The following BICRA variants were observed in gnomAD, a reference collection of about 807,000 sequenced individuals.
BICRA encodes BRD4-interacting chromatin-remodeling complex-associated protein.
A neutral mutation model predicts 96.9 loss-of-function variants in BICRA; 31 were observed. That is an observed-to-expected ratio of 0.32 (90% CI 0.24 to 0.43). The LOEUF (loss-of-function observed/expected upper bound fraction) is 0.43, where lower values mean the gene tolerates loss of function less well. Among genes scored for constraint, BICRA ranks in the 20% least tolerant of loss-of-function variants. BICRA has a pLI of 1.00. For synonymous variants in BICRA, 1,350 were observed against 1,071.8 expected (o/e 1.26, Z -5.07); for missense variants, 2,283 against 2,190.3 (o/e 1.04, Z -0.84).
chr19:47,694,769 A>G, intron 8 of BICRA, 43 bp downstream of exon 8: 2 of 913,734 alleles, frequency 2.2e-6, no homozygotes, highest in Non-Finnish European at 3.3e-6. Context: ...GCCCCATCCC[A>G]TCCCACCCTC....
intron 1 of BICRA, among the ~76,000 whole-genome samples, chr19:47,636,988 T>C (rs1972308917): frequency 2.0e-5 from 3 of 152,166 alleles, no homozygotes; most frequent in Non-Finnish European, 4.4e-5. Flanking sequence ...CTCCTTCCCC[T>C]CCTTAGTCAA....
At chr19:47,649,144 C>T (rs1163330572) in intron 1 of BICRA, among the ~76,000 whole-genome samples, 2 of 151,968 alleles carry the variant, frequency 1.3e-5, no homozygotes, top group Non-Finnish European at 2.9e-5. Context: ...AGCCACTGCA[C>T]CCGGCCTAAT....
At chr19:47,700,156 T>A (rs1226326745) in intron 14 of BICRA, 1 of 152,574 alleles carries the variant, frequency 6.6e-6, no homozygotes, top group Non-Finnish European at 1.5e-5. Context: ...TGCCACTTAC[T>A]AACTGTGTGA....
At position 47,686,210 on chromosome 19, in the gene BICRA, C is replaced by T. The variant is rs10414680; in HGVS notation, c.2283+4058C>T. ...CCTCCCAAAGTCCTGGGATTACAGG[C>T]ATGAGCCACCATGCCCGGCACAAGA... On this transcript the variant is annotated intron_variant, in intron 7 of 14. Transcript: ENST00000594866. Among the ~76,000 whole-genome samples the T allele has an allele frequency of 3.8e-3, 571 of 152,238 alleles. 4 individuals are homozygous for T. The highest frequency in any genetic ancestry group is 0.013 in the African/African-American group (552 of 41,546).
intron 1 of BICRA, among the ~76,000 whole-genome samples, chr19:47,647,537 T>C (rs1009844503): frequency 6.6e-6 from 1 of 152,136 alleles, no homozygotes; most frequent in African/African-American, 2.4e-5. Context: ...TGCCCCGCTA[T>C]GCATAAAGTT....
chr19:47,635,271 C>T (rs1262283894), intron 1 of BICRA, among the ~76,000 whole-genome samples: 20 of 145,608 alleles, frequency 1.4e-4, no homozygotes, highest in Admixed American at 2.0e-4. Context: ...TTTTTGAGAC[C>T]GGGTCTGGCT....
intron 1 of BICRA, among the ~76,000 whole-genome samples, chr19:47,636,893 T>G (rs1249634306): frequency 6.6e-6 from 1 of 152,130 alleles, no homozygotes; most frequent in East Asian, 1.9e-4. Flanking sequence ...GTTCACTCAC[T>G]TCAGCCACAC....
Position 47,701,335 on chromosome 19 carries a change from C to T in BICRA, c.3603C>T (p.Tyr1201=), listed in dbSNP as rs1177638988. The part of the protein sequence containing the change: ...KQLAKEKPDE[Y]VSSSRSLGLP... ...TTTGCCCCGATTCTGCAGACGAGTA[C>T]GTGTCTTCCTCCCGCTCGCTCGGCC... Residue 1201 remains tyrosine, a synonymous_variant, in exon 15 of 15, where the codon TAC becomes TAT. Coordinates refer to ENST00000594866, the MANE Select transcript of BICRA (RefSeq NM_001394372.1). This position sits in a 1 kb window ranked among gnomAD's most constrained non-coding sequence, Gnocchi z 5.4. 1.9e-6 allele frequency: 3 copies of T among 1,609,662 alleles called. No individual in the cohort carries two copies. Among genetic ancestry groups the T allele is most frequent in the Middle Eastern group, 1.6e-4 (1 of 6,062 alleles).
At chr19:47,637,426 A>AT (rs1289968407) in intron 1 of BICRA, among the ~76,000 whole-genome samples, 2 of 146,398 alleles carry the variant, frequency 1.4e-5, no homozygotes, top group Non-Finnish European at 3.0e-5. Context: ...GCCTGTTTTT[A>AT]TTTTTTGAGA....
intron 7 of BICRA, among the ~76,000 whole-genome samples, chr19:47,685,782 TGTGTGCGCGCGCGC>T (rs1175979577): frequency 3.2e-5 from 4 of 124,840 alleles, no homozygotes; most frequent in Admixed American, 8.3e-5. Context: ...TGTGTGTGTG[TGTGTGCGCGCGCGC>T]GCGCATGCGT....
At chr19:47,609,955 C>T (rs1300136513) in intron 1 of BICRA, among the ~76,000 whole-genome samples, 1 of 57,942 alleles carries the variant, frequency 1.7e-5, no homozygotes, top group Admixed American at 1.5e-4. Flanking sequence ...CCGGAGGGGG[C>T]CGTTACGGGG....
At chr19:47,679,245 C>G in intron 5 of BICRA, 76 bp from the exon 6 acceptor site, 3 of 1,124,486 alleles carry the variant, frequency 2.7e-6, no homozygotes, top group Non-Finnish European at 3.6e-6. Flanking sequence ...CCTCAGCATT[C>G]TTTGCGGCAG....
At chr19:47,630,366 G>A (rs946909644) in intron 1 of BICRA, among the ~76,000 whole-genome samples, 6 of 151,536 alleles carry the variant, frequency 4.0e-5, no homozygotes, top group Non-Finnish European at 8.8e-5. Flanking sequence ...TAGAGACGGG[G>A]TTTCACTTTG....
intron 1 of BICRA, among the ~76,000 whole-genome samples, chr19:47,651,776 G>C (rs1972544450): frequency 6.6e-6 from 1 of 152,192 alleles, no homozygotes; most frequent in Admixed American, 6.5e-5. Flanking sequence ...GAGAGGGTTG[G>C]GCAGACAATG....
rs766407779 is a variant in BICRA, at chr19:47,694,989, C to T, written c.2985C>T (p.Pro995=). The change falls in exon 9 of 15, where the codon CCC becomes CCT. Residue 995 remains proline, a synonymous_variant. Coordinates refer to ENST00000594866, the MANE Select transcript of BICRA (RefSeq NM_001394372.1). ...TSTSLGPLTS[P]AASVLVSGQA... is the part of the protein sequence containing the mutation. ...CCAGCCTGGGGCCCCTCACCAGCCC[C>T]GCTGCGTCTGTGCTGGTCAGTGGGC... The T allele has an allele frequency of 2.1e-5, 33 of 1,549,240 alleles. No individual in the cohort carries two copies. Among genetic ancestry groups the T allele is most frequent in the African/African-American group, 4.2e-5 (3 of 72,122 alleles).
At position 47,675,712 on chromosome 19, in the gene BICRA, G is replaced by A. The variant is rs774053976; in HGVS notation, c.85-139G>A. On this transcript the variant is annotated intron_variant, in intron 4 of 14. Coordinates refer to ENST00000594866, the MANE Select transcript of BICRA (RefSeq NM_001394372.1). This position sits in a 1 kb window ranked among gnomAD's most constrained non-coding sequence, Gnocchi z 4.7. ...GCCTTTGGGGCCTCTTTTCGGAGGC[G>A]AGAGTTTCCCATACCCCCAGCCCTC... The A allele has an allele frequency of 5.0e-5, 35 of 705,354 alleles. No individual in the cohort carries two copies. The highest frequency in any genetic ancestry group is 8.2e-5 in the East Asian group (3 of 36,386). The allele number at this position is 705,354 out of a possible 1,614,324, so 43.7% of individuals were successfully genotyped here. A position where few individuals can be genotyped will look rare whatever the true frequency, so the allele number is the denominator to read the frequency against.
intron 1 of BICRA, among the ~76,000 whole-genome samples, chr19:47,615,346 G>A (rs1001630778): frequency 2.0e-5 from 3 of 152,142 alleles, no homozygotes; most frequent in Non-Finnish European, 2.9e-5. Context: ...CCCACCTGTC[G>A]CCCAGGCAGC....
rs1599872060 is a variant in BICRA, at chr19:47,699,297, C to T, written c.3493-6C>T. ...CACTCGCACGTCGTCTTTTCCCCCA[C>T]CCCAGAGGGTGAGCCCCTCAGCGGA... On this transcript the variant is annotated splice_region_variant and splice_polypyrimidine_tract_variant and intron_variant, in intron 13 of 14. Coordinates refer to ENST00000594866, the MANE Select transcript of BICRA (RefSeq NM_001394372.1). The surrounding 1 kb of genome is among the most constrained non-coding windows in gnomAD (Gnocchi z 5.0). 14 of 1,535,314 alleles carry T rather than the reference C, an allele frequency of 9.1e-6. No individual in the cohort carries two copies. The East Asian group carries it at 2.9e-4, about 32-fold the overall frequency.
intron 1 of BICRA, among the ~76,000 whole-genome samples, chr19:47,658,898 G>A (rs557775397): frequency 3.3e-5 from 5 of 152,136 alleles, no homozygotes; most frequent in East Asian, 1.9e-4. Flanking sequence ...AGCCTGCTTC[G>A]TTGCCTGATG....
Sources: gnomAD v4.1 joint callset for allele counts (sites outside exome capture counted in the v4.1 genomes callset) on GRCh38, gnomAD v4.1.1 for gene constraint, Gnocchi (gnomAD v3.1) non-coding constraint, MANE v1.5 for transcripts, NCBI Gene and HGNC (gene_info 2026-07-23, HGNC 2026-07-21) for gene names.